JMJD7: variants seen among roughly 807,000 people sequenced by gnomAD.
The protein encoded by JMJD7 is bifunctional peptidase and (3S)-lysyl hydroxylase JMJD7.
A neutral mutation model predicts 41.1 loss-of-function variants in JMJD7; 41 were observed. The ratio of observed to expected loss-of-function variants is 1.00; its 90% CI spans 0.78 to 1.30. JMJD7 has a LOEUF of 1.30. Ranked by LOEUF, JMJD7 falls within the 50% of genes most tolerant of loss-of-function variation. The pLI is 0.00. For synonymous variants in JMJD7, 202 were observed against 177.2 expected, an observed-to-expected ratio of 1.14 and a Z score of -1.11; for missense variants, 480 against 420.7, an observed-to-expected ratio of 1.14 and a Z score of -1.23.
At chr15:41,830,256 A>G (rs1237794402) in intron 1 of JMJD7, among the ~76,000 whole-genome samples, 2 of 152,186 alleles carry the variant, frequency 1.3e-5, no homozygotes, top group Non-Finnish European at 2.9e-5. Context: ...AGGGACTTGC[A>G]CTTGTGAGTA....
rs2065169354 is a variant in JMJD7 at position 41,828,295 on chromosome 15, C to T, written c.64+107C>T. The T allele has an allele frequency of 6.8e-6, 9 of 1,325,448 alleles. No individual in the cohort carries two copies. The South Asian group carries it at 1.2e-4, about 17-fold the overall frequency. The allele number at this position is 1,325,448 out of a possible 1,614,324, so 82.1% of individuals were successfully genotyped here. On this transcript the variant is annotated intron_variant, in intron 1 of 7. Transcript: ENST00000397299. ...CCTCGTGTGTGCGACTGCCCTGAGG[C>T]CCCGCTCGGGTTGCTCTTCTGTGGC...
At position 41,834,978 on chromosome 15, in the gene JMJD7, T is replaced by C. The variant is rs1196725723; in HGVS notation, c.227T>C (p.Val76Ala). 5.6e-6 allele frequency: 9 copies of C among 1,614,002 alleles called. No individual in the cohort carries two copies. In the Admixed American group the frequency reaches 6.7e-5, roughly 12 times the overall value. The change falls in exon 3 of 8, where the codon GTG becomes GCG. Residue 76 changes from valine (V) to alanine (A), a missense_variant. Coordinates refer to ENST00000397299, the MANE Select transcript of JMJD7 (RefSeq NM_001114632.2). The part of the protein sequence containing the change: ...KWSLPYFRAT[V>A]GSTEVSVAVT... ...AGTGTCCATTCCTCTAGAGCCACAGTGGGCTCCACAGAGGTGAGTGTGGCC... is the reference window on the plus strand; with the variant it reads ...AGTGTCCATTCCTCTAGAGCCACAGCGGGCTCCACAGAGGTGAGTGTGGCC...
chr15:41,832,078 T>C (rs1311041998), intron 1 of JMJD7, among the ~76,000 whole-genome samples: 1 of 152,210 alleles, frequency 6.6e-6, no homozygotes, highest in Non-Finnish European at 1.5e-5. Flanking sequence ...AAGCTGCTTA[T>C]GGTACACCTG....
rs768175904 is a variant in JMJD7 at position 41,836,558 on chromosome 15, G to T, written c.702+7G>T. ...TGAAGAGGCCATGGAGAAGGTGTCT[G>T]TCCTGTTCTTGGGCTCTAGGGAGGG... On this transcript the variant is annotated splice_region_variant and intron_variant, in intron 6 of 7. Coordinates refer to ENST00000397299, the MANE Select transcript of JMJD7 (RefSeq NM_001114632.2). The T allele has an allele frequency of 1.9e-6, 3 of 1,569,404 alleles. No individual in the cohort carries two copies. Among genetic ancestry groups the T allele is most frequent in the Non-Finnish European group, 2.6e-6 (3 of 1,157,522 alleles).
At chr15:41,828,835 A>G (rs1018458565) in intron 1 of JMJD7, among the ~76,000 whole-genome samples, 1 of 152,068 alleles carries the variant, frequency 6.6e-6, no homozygotes, top group South Asian at 2.1e-4. Context: ...CTTTTTTTGT[A>G]CAAATAGTAG....
intron 4 of JMJD7, 145 bp from the exon 5 acceptor site, chr15:41,836,003 C>T (rs771490360): frequency 7.7e-5 from 64 of 828,214 alleles, no homozygotes; most frequent in Non-Finnish European, 1.1e-4. Context: ...ATCAGAGCCC[C>T]TGGCATCTCC....
Position 41,836,869 on chromosome 15 carries a change from G to A in JMJD7, c.791G>A (p.Arg264Gln), listed in dbSNP as rs776157865. Residue 264 changes from arginine to glutamine, a missense_variant, in exon 7 of 8, where the codon CGG becomes CAG. Physicochemically the swap from Arg to Gln is conservative, Grantham distance 43. Transcript: ENST00000397299. ...GCCCAGGCCCTTCGCTGCACGGTGC[G>A]GGCCGGTGAGATGCTCTATCTGCCG... ...SQAQALRCTV[R>Q]AGEMLYLPAL... 34 of 1,613,194 alleles carry A rather than the reference G, an allele frequency of 2.1e-5. No individual in the cohort carries two copies. Among genetic ancestry groups the A allele is most frequent in the Non-Finnish European group, 2.6e-5 (31 of 1,179,810 alleles).
At chr15:41,832,341 G>C (rs186418811) in intron 1 of JMJD7, 1 of 185,478 alleles carries the variant, frequency 5.4e-6, no homozygotes, top group African/African-American at 2.4e-5. Flanking sequence ...GGCCACAGAG[G>C]TTTCCAGCTG....
Position 41,836,777 on chromosome 15 carries a change from C to T in JMJD7, c.703-4C>T, listed in dbSNP as rs202203205. On this transcript the variant is annotated splice_polypyrimidine_tract_variant and splice_region_variant and intron_variant, in intron 6 of 7. Coordinates refer to ENST00000397299, the MANE Select transcript of JMJD7 (RefSeq NM_001114632.2). The stretch of plus-strand genomic sequence containing the variant: ...CTGCTCCCTGGCATCTGATGTGTTC[C>T]CAGGTGCCCTGGATCCCACTGGACC... 1,481 of 1,604,520 alleles carry T rather than the reference C, an allele frequency of 9.2e-4. 1 individual carries two copies. The highest frequency in any genetic ancestry group is 1.2e-3 in the Non-Finnish European group (1,425 of 1,176,040).
intron 1 of JMJD7, 64 bp from the exon 2 acceptor site, chr15:41,834,676 T>C (rs1314612967): frequency 6.3e-7 from 1 of 1,579,016 alleles, no homozygotes; most frequent in African/African-American, 1.3e-5. Context: ...AGGGCATCTC[T>C]TGGGCAGGGA....
Position 41,836,912 on chromosome 15 carries a change from C to T in JMJD7, c.834C>T (p.His278=), listed in dbSNP as rs367560211. Residue 278 remains histidine, a synonymous_variant, in exon 7 of 8, where the codon CAC becomes CAT. Transcript: ENST00000397299. The part of the protein sequence containing the change: ...MLYLPALWFH[H]VQQSQGCIAV... ...ATCTGCCGGCTCTGTGGTTCCACCACGTCCAGCAGTCCCAGGGCTGCATCG... is the reference window on the plus strand; with the variant it reads ...ATCTGCCGGCTCTGTGGTTCCACCATGTCCAGCAGTCCCAGGGCTGCATCG... 47 of 1,613,352 alleles carry T rather than the reference C, an allele frequency of 2.9e-5. No homozygotes were observed. Among genetic ancestry groups the T allele is most frequent in the Non-Finnish European group, 3.6e-5 (42 of 1,179,714 alleles).
chr15:41,834,682 A>G, intron 1 of JMJD7, 58 bp from the exon 2 acceptor site: 1 of 1,584,926 alleles, frequency 6.3e-7, no homozygotes, highest in Admixed American at 1.7e-5. Context: ...TCTCTTGGGC[A>G]GGGACTGGGT....
chr15:41,833,934 A>G (rs1450669207), intron 1 of JMJD7, among the ~76,000 whole-genome samples: 1 of 152,182 alleles, frequency 6.6e-6, no homozygotes, highest in Admixed American at 6.5e-5. Context: ...TGAGAGACAT[A>G]GGAGACAGAA....
rs754098815 is a variant in JMJD7 at position 41,836,830 on chromosome 15, C to G, written c.752C>G (p.Pro251Arg). ...DPLAPDLARY[P>R]SYSQAQALRC... ...TTGGCGCCAGACCTAGCACGGTACC[C>G]TAGTTACAGTCAGGCCCAGGCCCTT... The change falls in exon 7 of 8, where the codon CCT becomes CGT. Residue 251 changes from proline to arginine, a missense_variant. Physicochemically the swap from Pro to Arg is moderately radical, Grantham distance 103. Coordinates refer to ENST00000397299, the MANE Select transcript of JMJD7 (RefSeq NM_001114632.2). 15 of 1,612,802 alleles carry G rather than the reference C, an allele frequency of 9.3e-6. No homozygotes were observed. The highest frequency in any genetic ancestry group is 1.3e-5 in the African/African-American group (1 of 75,022).
chr15:41,835,948 C>A lies in JMJD7; in HGVS notation c.530-200C>A, dbSNP rs146326233. ...CCTCTTGTTGAAGAGGAGTCCAGGG[C>A]CTGGTGAGCATCAGGTCCCTGGTAG... On this transcript the variant is annotated intron_variant, in intron 4 of 7. Transcript: ENST00000397299. 9.0e-5 allele frequency: 54 copies of A among 600,434 alleles called. No homozygotes were observed. The South Asian group carries it at 1.3e-3, about 14-fold the overall frequency. 37.2% of individuals were successfully genotyped at this position (600,434 alleles called of 1,614,324 possible). A position where few individuals can be genotyped will look rare whatever the true frequency, so the allele number is the denominator to read the frequency against.
At chr15:41,828,221 C>T in intron 1 of JMJD7, 33 bp downstream of exon 1, 2 of 1,495,058 alleles carry the variant, frequency 1.3e-6, no homozygotes, top group Non-Finnish European at 1.8e-6. Context: ...GCGGCGATTT[C>T]CGAACACGGG....
At chr15:41,831,294 A>G (rs2065226745) in intron 1 of JMJD7, among the ~76,000 whole-genome samples, 1 of 152,204 alleles carries the variant, frequency 6.6e-6, no homozygotes, top group South Asian at 2.1e-4. Flanking sequence ...GCAAGCAGGC[A>G]TGCCAGCTCT....
In JMJD7 at chr15:41,836,886, T is replaced by C; in HGVS notation, c.808T>C (p.Tyr270His). 4 of 1,613,522 alleles carry C rather than the reference T, an allele frequency of 2.5e-6. No homozygotes were observed. The highest frequency in any genetic ancestry group is 3.4e-6 in the Non-Finnish European group (4 of 1,179,806). The change falls in exon 7 of 8, where the codon TAT (tyrosine) becomes CAT (histidine). Residue 270 changes from tyrosine (Y) to histidine (H), a missense_variant. By Grantham distance (83) the Tyr-to-His change is moderately conservative. Transcript: ENST00000397299. ...RCTVRAGEMLYLPALWFHHVQ... is the reference protein window; with the variant it reads ...RCTVRAGEMLHLPALWFHHVQ... Reference sequence around the variant, plus strand: ...CACGGTGCGGGCCGGTGAGATGCTCTATCTGCCGGCTCTGTGGTTCCACCA... The same window carrying C: ...CACGGTGCGGGCCGGTGAGATGCTCCATCTGCCGGCTCTGTGGTTCCACCA...
At chr15:41,834,930 T>A (rs1402664479) in intron 2 of JMJD7, 37 bp downstream of exon 2, 2 of 1,613,408 alleles carry the variant, frequency 1.2e-6, no homozygotes, top group African/African-American at 2.7e-5. Flanking sequence ...GAGCAGTGAT[T>A]ACTGGCATCT....
Sources: allele counts gnomAD v4.1 joint callset (sites outside exome capture counted in the v4.1 genomes callset), GRCh38; gene constraint gnomAD v4.1.1; transcripts MANE v1.5; gene names NCBI Gene and HGNC (gene_info 2026-07-23, HGNC 2026-07-21).